Variants in BIN3 observed in about 807,000 individuals in gnomAD.
BIN3 encodes the protein bridging integrator 3.
Under a neutral mutation model 38.2 loss-of-function variants are expected in BIN3, and 41 were observed. The ratio of observed to expected loss-of-function variants is 1.07; its 90% confidence interval spans 0.84 to 1.39. BIN3 has a LOEUF of 1.39. BIN3 is among the 40% of genes most tolerant of loss of function. The pLI is 0.00. For missense variants in BIN3, 361 were observed against 324.3 expected (o/e 1.11, Z -0.87); for synonymous variants, 145 against 122.6 (o/e 1.18, Z -1.21).
chr8:22,652,313 T>C (rs1190777180), intron 1 of BIN3, among the ~76,000 whole-genome samples: 1 of 152,228 alleles, frequency 6.6e-6, no homozygotes, highest in East Asian at 1.9e-4. Flanking sequence ...ACACGAACCA[T>C]GTTTATCTAC....
At chr8:22,650,441 GTTC>G (rs1430380641) in intron 1 of BIN3, among the ~76,000 whole-genome samples, 7 of 152,132 alleles carry the variant, frequency 4.6e-5, no homozygotes, top group African/African-American at 1.4e-4. Context: ...CCTTTTGTGA[GTTC>G]TTCTTTTGGT....
At chr8:22,650,264 T>A (rs1030266613) in intron 1 of BIN3, among the ~76,000 whole-genome samples, 65 of 152,330 alleles carry the variant, frequency 4.3e-4, no homozygotes, top group African/African-American at 1.5e-3. Flanking sequence ...GATTGAAACA[T>A]TTAACATTTT....
At chr8:22,663,393 C>T (rs1430567008) in intron 1 of BIN3, among the ~76,000 whole-genome samples, 2 of 145,752 alleles carry the variant, frequency 1.4e-5, no homozygotes, top group African/African-American at 5.2e-5. Context: ...GCTGTAATTG[C>T]ACTACTGCAC....
intron 1 of BIN3, among the ~76,000 whole-genome samples, chr8:22,652,303 A>G (rs1365214557): frequency 6.6e-6 from 1 of 152,222 alleles, no homozygotes; most frequent in Non-Finnish European, 1.5e-5. Context: ...AGCTCTGAGC[A>G]CACGAACCAT....
rs1328333848 is a variant in BIN3 at position 22,624,025 on chromosome 8, G to A, written c.505C>T (p.Arg169Trp). 10 of 1,590,806 alleles carry A rather than the reference G, an allele frequency of 6.3e-6. No homozygotes were observed. Among genetic ancestry groups the A allele is most frequent in the East Asian group, 4.7e-5 (2 of 42,814 alleles). ...CTGTTCTTGGCTTCAAAGTCCTCCC[G>A]CACAGGCCGCAGCTCCTCTCGTGCC... Reference protein sequence around the residue: ...HQAREELRPVREDFEAKNRQL... With the variant: ...HQAREELRPVWEDFEAKNRQL... Residue 169 changes from arginine to tryptophan, a missense_variant, in exon 8 of 9, where the codon CGG (arginine) becomes TGG (tryptophan). Physicochemically the swap from Arg to Trp is moderately radical, Grantham distance 101. Transcript: ENST00000276416.
chr8:22,625,218 T>C, intron 6 of BIN3: 1 of 675,646 alleles, frequency 1.5e-6, no homozygotes, highest in South Asian at 1.5e-5. Context: ...TCATGTGTCC[T>C]CTAGTGACCA....
In BIN3 at chr8:22,621,343, G is replaced by A. The variant is rs1218337878; in HGVS notation, c.*79C>T. The A allele has an allele frequency of 1.3e-6, 2 of 1,511,630 alleles. No individual in the cohort carries two copies. Among genetic ancestry groups the A allele is most frequent in the African/African-American group, 2.8e-5 (2 of 72,726 alleles). The allele number at this position is 1,511,630 out of a possible 1,614,324, so 93.6% of individuals were successfully genotyped here. On this transcript the variant is annotated 3_prime_UTR_variant, in exon 9 of 9. Transcript: ENST00000276416. ...GGCCACCTCTGTCCCCAGCCTGTGA[G>A]AGGAGCAGCTAGCCCTGAGAAGGGC...
intron 2 of BIN3, 184 bp downstream of exon 2, chr8:22,644,571 G>A (rs1802657058): frequency 3.4e-6 from 2 of 596,146 alleles, no homozygotes; most frequent in Admixed American, 2.5e-5. Flanking sequence ...TAGGGGAAGT[G>A]TCCCAGGACA....
chr8:22,646,613 C>G (rs1007898426), intron 1 of BIN3, among the ~76,000 whole-genome samples: 1 of 152,160 alleles, frequency 6.6e-6, no homozygotes, highest in African/African-American at 2.4e-5. Context: ...GGAGTGTTAA[C>G]CCTTTGGGGG....
chr8:22,621,614 G>A (rs372741745), intron 8 of BIN3, 46 bp from the exon 9 acceptor site: 24 of 1,585,142 alleles, frequency 1.5e-5, no homozygotes, highest in Admixed American at 1.2e-4. Context: ...CCAGGGAACC[G>A]TGTGCTTCAG....
intron 5 of BIN3, 127 bp from the exon 6 acceptor site, chr8:22,630,131 C>CCCAGGA: frequency 8.9e-7 from 1 of 1,129,168 alleles, no homozygotes; most frequent in Non-Finnish European, 1.3e-6. Flanking sequence ...TTGTCCTGGG[C>CCCAGGA]CTGGCTTTGC....
chr8:22,636,892 C>T, intron 3 of BIN3, 30 bp downstream of exon 3: 1 of 1,607,008 alleles, frequency 6.2e-7, no homozygotes, highest in Non-Finnish European at 8.5e-7. Flanking sequence ...TCCCTGCCTC[C>T]CACCTCATCT....
At chr8:22,646,417 C>A (rs1307557150) in intron 1 of BIN3, among the ~76,000 whole-genome samples, 1 of 152,192 alleles carries the variant, frequency 6.6e-6, no homozygotes, top group African/African-American at 2.4e-5. Context: ...CCCCTTCTCC[C>A]TGAGCCTGCT....
intron 1 of BIN3, among the ~76,000 whole-genome samples, chr8:22,648,235 G>C (rs1309123054): frequency 6.6e-6 from 1 of 151,654 alleles, no homozygotes; most frequent in Non-Finnish European, 1.5e-5. Flanking sequence ...ATCTGATATT[G>C]GTGTGGTACA....
At chr8:22,650,959 C>T (rs1802871972) in intron 1 of BIN3, among the ~76,000 whole-genome samples, 1 of 152,152 alleles carries the variant, frequency 6.6e-6, no homozygotes, top group Non-Finnish European at 1.5e-5. Flanking sequence ...TTTCTTCCAT[C>T]CTGCCCTTGG....
At chr8:22,668,329 G>C (rs554742195) in intron 1 of BIN3, among the ~76,000 whole-genome samples, 77 of 152,332 alleles carry the variant, frequency 5.1e-4, no homozygotes, top group African/African-American at 1.8e-3. Context: ...TATGACCCAA[G>C]TATCACATCA....
At chr8:22,665,652 G>A (rs1197231785) in intron 1 of BIN3, among the ~76,000 whole-genome samples, 1 of 152,206 alleles carries the variant, frequency 6.6e-6, no homozygotes, top group Non-Finnish European at 1.5e-5. Context: ...AGGCACATGG[G>A]CACGAGAGAG....
At chr8:22,645,913 T>A (rs1802699801) in intron 1 of BIN3, among the ~76,000 whole-genome samples, 1 of 152,074 alleles carries the variant, frequency 6.6e-6, no homozygotes, top group Non-Finnish European at 1.5e-5. Flanking sequence ...TAATCTGAAA[T>A]CCAGCCCAAG....
chr8:22,624,358 C>A lies in BIN3; in HGVS notation c.344G>T (p.Gly115Val). 1 of 1,612,056 alleles carries A rather than the reference C, an allele frequency of 6.2e-7. No homozygotes were observed. Among genetic ancestry groups the A allele is most frequent in the Non-Finnish European group, 8.5e-7 (1 of 1,178,760 alleles). The change falls in exon 7 of 9, where the codon GGC (glycine) becomes GTC (valine). Residue 115 changes from glycine to valine, a missense_variant. Physicochemically the swap from Gly to Val is moderately radical, Grantham distance 109. Coordinates refer to ENST00000276416, the MANE Select transcript of BIN3 (RefSeq NM_018688.6). ...KTVIEPLKKFGSVFPSLNMAV... is the reference protein window; with the variant it reads ...KTVIEPLKKFVSVFPSLNMAV... Reference sequence around the variant, plus strand: ...CATGTTGAGGCTCGGGAAGACACTGCCGAACCTGTGGGACAAGCTGGCTGG... The same window carrying A: ...CATGTTGAGGCTCGGGAAGACACTGACGAACCTGTGGGACAAGCTGGCTGG...
Sources: allele counts gnomAD v4.1 joint callset (sites outside exome capture counted in the v4.1 genomes callset), GRCh38; gene constraint gnomAD v4.1.1; transcripts MANE v1.5; gene names NCBI Gene and HGNC (gene_info 2026-07-23, HGNC 2026-07-21).